Variants in BSCL2 observed in about 807,000 individuals in gnomAD.
The protein encoded by BSCL2 is BSCL2 lipid droplet biogenesis associated, seipin.
Under a neutral mutation model 57.4 loss-of-function variants are expected in BSCL2, and 41 were observed. That is an observed-to-expected ratio of 0.71 (90% CI 0.56 to 0.93). The LOEUF (loss-of-function observed/expected upper bound fraction) is 0.93, where lower values mean the gene tolerates loss of function less well. Among genes scored for constraint, BSCL2 ranks in the 40% least tolerant of loss-of-function variants. BSCL2 has a pLI of 0.00. For missense variants in BSCL2, 539 were observed against 586.7 expected, an observed-to-expected ratio of 0.92 and a Z score of 0.84; for synonymous variants, 237 against 227.3, an observed-to-expected ratio of 1.04 and a Z score of -0.38.
chr11:62,706,478 C>CAAA (rs2083540380), intron 1 of BSCL2: 10 of 398,132 alleles, frequency 2.5e-5, no homozygotes, highest in Non-Finnish European at 4.8e-5. Context: ...CGGCAGGTTT[C>CAAA]CCTCCGGTTA....
chr11:62,690,938 A>C, intron 8 of BSCL2, 71 bp from the exon 9 acceptor site: 1 of 1,583,468 alleles, frequency 6.3e-7, no homozygotes, highest in Non-Finnish European at 8.7e-7. Context: ...TGCCAACCTC[A>C]CCTTCCTCGC....
rs774441432 is a variant in BSCL2 at position 62,705,591 on chromosome 11, G to A, written c.114C>T (p.Gly38=). The A allele has an allele frequency of 1.3e-6, 2 of 1,557,514 alleles. No homozygotes were observed. The highest frequency in any genetic ancestry group is 1.4e-5 in the African/African-American group (1 of 74,040). Residue 38 remains glycine (G), a synonymous_variant, in exon 2 of 11, where the codon GGC becomes GGT. Coordinates refer to ENST00000360796, the MANE Select transcript of BSCL2 (RefSeq NM_001122955.4). ...CTCTGCCACCTGGACGCCACCCCTGGCCATGGGATGCAGCAGCTGGTGGTT... is the reference window on the plus strand; with the variant it reads ...CTCTGCCACCTGGACGCCACCCCTGACCATGGGATGCAGCAGCTGGTGGTT... ...EEEPPAAASH[G]QGWRPGGRAA... is the part of the protein sequence containing the mutation.
chr11:62,708,659 C>A (rs374221255), upstream of BSCL2: 1 of 1,613,294 alleles, frequency 6.2e-7, no homozygotes, highest in South Asian at 1.1e-5. Flanking sequence ...TAACAATACC[C>A]TTCCTGGCTG....
At chr11:62,697,793 CA>C (rs1239385916) in intron 3 of BSCL2, among the ~76,000 whole-genome samples, 548 of 105,512 alleles carry the variant, frequency 5.2e-3, no homozygotes, top group Admixed American at 6.1e-3. Flanking sequence ...GACTCTGTAT[CA>C]AAAAAAAAAA....
At position 62,692,047 on chromosome 11, in the gene BSCL2, C is replaced by T. The variant is rs1405763237; in HGVS notation, c.863+329G>A. ...AGCCTAGGCAACAGAGCAAGACCCC[C>T]TCTTAAAAAAAAAAAAAAAAAAAAT... On this transcript the variant is annotated intron_variant, in intron 6 of 10. Coordinates refer to ENST00000360796, the MANE Select transcript of BSCL2 (RefSeq NM_001122955.4). 3.9e-5 allele frequency among the ~76,000 whole-genome samples: 4 copies of T among 103,610 alleles called. No individual in the cohort carries two copies. The Admixed American group carries it at 4.8e-4, about 13-fold the overall frequency. 68.0% of individuals were successfully genotyped at this position (103,610 alleles called of 152,430 possible).
Position 62,702,143 on chromosome 11 carries a change from C to T in BSCL2, c.486+325G>A, listed in dbSNP as rs138282262. 9.1e-3 allele frequency among the ~76,000 whole-genome samples: 1,388 copies of T among 151,922 alleles called. 12 individuals are homozygous for T. Among genetic ancestry groups the T allele is most frequent in the African/African-American group, 0.031 (1,274 of 41,446 alleles). On this transcript the variant is annotated intron_variant, in intron 3 of 10. Coordinates refer to ENST00000360796, the MANE Select transcript of BSCL2 (RefSeq NM_001122955.4). ...GTGCAATGGCGTGATCTCGGCTCACCGAAACCTCCTCCTCCCGGATTCAAG... is the reference window on the plus strand; with the variant it reads ...GTGCAATGGCGTGATCTCGGCTCACTGAAACCTCCTCCTCCCGGATTCAAG...
chr11:62,692,648 G>A lies in BSCL2; in HGVS notation c.765+15C>T, dbSNP rs79586077. On this transcript the variant is annotated intron_variant, in intron 5 of 10. Transcript: ENST00000360796. ...GGGCTATCTCCTAGTCATAAAGCTC[G>A]TTCACCTCACTCACCGAGTTCTCTC... is the stretch of plus-strand genomic sequence containing the variant. 6.8e-3 allele frequency: 11,019 copies of A among 1,613,842 alleles called. 634 individuals are homozygous for A. The African/African-American group carries it at 0.13, about 19-fold the overall frequency.
At position 62,707,325 on chromosome 11, in the gene BSCL2, C is replaced by A; in HGVS notation, c.-130G>T. ...CCTGGATATGGAAAATGGAGGGTCC[C>A]TGGGAGAGAAACGAAGATTCAGGTG... On this transcript the variant is annotated 5_prime_UTR_variant, in exon 1 of 11. The change creates a new upstream start codon in the 5' untranslated region. Coordinates refer to ENST00000360796, the MANE Select transcript of BSCL2 (RefSeq NM_001122955.4). 1.2e-6 allele frequency: 1 copy of A among 857,514 alleles called. No individual in the cohort carries two copies. The highest frequency in any genetic ancestry group is 2.1e-4 in the Middle Eastern group (1 of 4,658). 53.1% of individuals were successfully genotyped at this position (857,514 alleles called of 1,614,324 possible). A position where few individuals can be genotyped will look rare whatever the true frequency, so the allele number is the denominator to read the frequency against.
In BSCL2 at chr11:62,705,486, G is replaced by C. The variant is rs762865520; in HGVS notation, c.219C>G (p.Ala73=). 3.7e-6 allele frequency: 6 copies of C among 1,614,092 alleles called. No homozygotes were observed. The South Asian group carries it at 5.5e-5, about 15-fold the overall frequency. ...PAMVNDPPVP[A]LLWAQEVGQV... ...GGCCCACCTCCTGGGCCCACAGTAA[G>C]GCAGGTACTGGAGGGTCGTTGACCA... is the stretch of plus-strand genomic sequence containing the variant. Residue 73 remains alanine (A), a synonymous_variant, in exon 2 of 11, where the codon GCC becomes GCG. Coordinates refer to ENST00000360796, the MANE Select transcript of BSCL2 (RefSeq NM_001122955.4).
chr11:62,701,299 G>A (rs141577807), intron 3 of BSCL2, among the ~76,000 whole-genome samples: 378 of 152,132 alleles, frequency 2.5e-3, no homozygotes, highest in Non-Finnish European at 4.1e-3. Flanking sequence ...TGATACAGAT[G>A]GTCCTCAGTT....
In BSCL2 at chr11:62,705,567, T is replaced by C. The variant is rs1464661351; in HGVS notation, c.138A>G (p.Arg46=). The C allele has an allele frequency of 6.3e-7, 1 of 1,592,800 alleles. No homozygotes were observed. The highest frequency in any genetic ancestry group is 1.7e-5 in the Admixed American group (1 of 57,362). ...SHGQGWRPGG[R]AARNARPEPG... is the part of the protein sequence containing the mutation. ...GTTCAGGCCTTGCGTTCCTAGCTGCTCTGCCACCTGGACGCCACCCCTGGC... is the reference window on the plus strand; with the variant it reads ...GTTCAGGCCTTGCGTTCCTAGCTGCCCTGCCACCTGGACGCCACCCCTGGC... Residue 46 remains arginine, a synonymous_variant, in exon 2 of 11, where the codon AGA becomes AGG. Transcript: ENST00000360796.
chr11:62,692,316 T>C, intron 6 of BSCL2, 60 bp downstream of exon 6: 1 of 1,553,134 alleles, frequency 6.4e-7, no homozygotes, highest in Non-Finnish European at 8.9e-7. Context: ...TGGGACCCTC[T>C]TGGTGGAAGG....
chr11:62,691,240 A>G (rs761040447), intron 7 of BSCL2, 40 bp downstream of exon 7: 1 of 1,614,108 alleles, frequency 6.2e-7, no homozygotes, highest in Non-Finnish European at 8.5e-7. Context: ...ACCACCCACA[A>G]AGATCAAAGG....
intron 4 of BSCL2, 118 bp from the exon 5 acceptor site, chr11:62,692,915 G>A (rs1204577721): frequency 7.4e-7 from 1 of 1,353,748 alleles, no homozygotes; most frequent in Non-Finnish European, 1.0e-6. Flanking sequence ...CAGGTCCCTG[G>A]CTGCCTCACC....
intron 1 of BSCL2, chr11:62,705,912 G>C: frequency 2.5e-6 from 1 of 394,198 alleles, no homozygotes; most frequent in East Asian, 4.5e-5. Flanking sequence ...CAAAGAATAA[G>C]CACCTTACGA....
chr11:62,709,109 T>C (rs1276869343), upstream of BSCL2: 1 of 476,716 alleles, frequency 2.1e-6, no homozygotes, highest in Non-Finnish European at 4.1e-6. Context: ...GCTCAGACAA[T>C]GGAGAGGGAT....
chr11:62,696,733 T>G (rs932955985), intron 3 of BSCL2, among the ~76,000 whole-genome samples: 3 of 152,056 alleles, frequency 2.0e-5, no homozygotes, highest in Non-Finnish European at 2.9e-5. Context: ...AATTTTTTAT[T>G]TTTTTGTAGA....
At chr11:62,706,687 C>T (rs918419954) in intron 1 of BSCL2, 19 of 480,446 alleles carry the variant, frequency 4.0e-5, no homozygotes, top group African/African-American at 3.4e-4. Context: ...TTTTATCGCC[C>T]ACAGCTCCTA....
intron 3 of BSCL2, among the ~76,000 whole-genome samples, chr11:62,698,961 A>T (rs1408153045): frequency 6.6e-6 from 1 of 152,114 alleles, no homozygotes; most frequent in Non-Finnish European, 1.5e-5. Flanking sequence ...GCTGGAGTGC[A>T]GTGGCACGAT....
Sources: gnomAD v4.1 joint callset for allele counts (sites outside exome capture counted in the v4.1 genomes callset) on GRCh38, gnomAD v4.1.1 for gene constraint, MANE v1.5 for transcripts, NCBI Gene and HGNC (gene_info 2026-07-23, HGNC 2026-07-21) for gene names.